The following IMMP2L variants were observed in gnomAD, a reference collection of about 807,000 sequenced individuals.
The protein encoded by IMMP2L is mitochondrial inner membrane protease subunit 2.
Under a neutral mutation model 19.3 loss-of-function variants are expected in IMMP2L, and 18 were observed. The ratio of observed to expected loss-of-function variants is 0.93; its 90% CI spans 0.64 to 1.38. IMMP2L has a LOEUF of 1.38. Ranked by LOEUF, IMMP2L falls within the 40% of genes most tolerant of loss-of-function variation. The pLI, the probability that IMMP2L is intolerant of heterozygous loss-of-function variation, is 0.00. For missense variants in IMMP2L, 233 were observed against 218.2 expected, an observed-to-expected ratio of 1.07 and a Z score of -0.43; for synonymous variants, 76 against 73.0, an observed-to-expected ratio of 1.04 and a Z score of -0.21.
At chr7:110,664,905 T>C (rs1207422348) in intron 5 of IMMP2L, 4 of 152,218 alleles carry the variant, frequency 2.6e-5, no homozygotes, top group Non-Finnish European at 5.9e-5. Flanking sequence ...GAAGCTCTTC[T>C]ATTTGCTATC....
chr7:111,321,938 T>C (rs1824761066), intron 3 of IMMP2L, among the ~76,000 whole-genome samples: 1 of 151,988 alleles, frequency 6.6e-6, no homozygotes, highest in Non-Finnish European at 1.5e-5. Flanking sequence ...CCTTGAGTTA[T>C]GATACAAATC....
intron 2 of IMMP2L, among the ~76,000 whole-genome samples, chr7:111,514,283 G>GTATA (rs773547616): frequency 5.9e-5 from 9 of 152,062 alleles, no homozygotes; most frequent in Non-Finnish European, 1.3e-4. Context: ...AAAATATCAT[G>GTATA]TATACTGTTC....
At chr7:111,088,594 G>C (rs184850294) in intron 3 of IMMP2L, among the ~76,000 whole-genome samples, 2 of 152,260 alleles carry the variant, frequency 1.3e-5, no homozygotes, top group Non-Finnish European at 2.9e-5. Context: ...GAATACCTGA[G>C]GGGCTCTATC....
At chr7:111,427,616 T>C (rs1836212866) in intron 3 of IMMP2L, among the ~76,000 whole-genome samples, 1 of 151,790 alleles carries the variant, frequency 6.6e-6, no homozygotes. Context: ...CAATAAACCT[T>C]AAACAGAAGA....
At chr7:111,358,682 GT>G (rs1828965344) in intron 3 of IMMP2L, among the ~76,000 whole-genome samples, 1 of 152,060 alleles carries the variant, frequency 6.6e-6, no homozygotes, top group African/African-American at 2.4e-5. Context: ...AATTTCTATA[GT>G]TTTTGCACTA....
chr7:110,934,032 C>T (rs1443139362), intron 4 of IMMP2L, among the ~76,000 whole-genome samples: 5 of 152,054 alleles, frequency 3.3e-5, no homozygotes, highest in South Asian at 2.1e-4. Context: ...GATTCTGGTA[C>T]GTTGTTTCTT....
chr7:110,733,749 T>C (rs975076011), intron 5 of IMMP2L, among the ~76,000 whole-genome samples: 1 of 152,062 alleles, frequency 6.6e-6, no homozygotes, highest in Non-Finnish European at 1.5e-5. Flanking sequence ...GGGATTAGTG[T>C]ACTTAGAAAT....
At chr7:111,514,167 G>C (rs1429621987) in intron 2 of IMMP2L, among the ~76,000 whole-genome samples, 1 of 152,098 alleles carries the variant, frequency 6.6e-6, no homozygotes, top group Admixed American at 6.6e-5. Flanking sequence ...ATTTTACTAA[G>C]AGAGTAGATC....
intron 5 of IMMP2L, among the ~76,000 whole-genome samples, chr7:110,769,853 A>T (rs531319040): frequency 1.3e-5 from 2 of 152,246 alleles, no homozygotes; most frequent in South Asian, 4.1e-4. Context: ...CTTCTACTGT[A>T]TCTCCTGCTG....
At chr7:111,140,747 A>G (rs1431771071) in intron 3 of IMMP2L, among the ~76,000 whole-genome samples, 4 of 152,234 alleles carry the variant, frequency 2.6e-5, no homozygotes, top group African/African-American at 7.2e-5. Flanking sequence ...CTCTTCATTC[A>G]TGCAAATGTA....
intron 5 of IMMP2L, among the ~76,000 whole-genome samples, chr7:110,793,420 AAAACAAACAAAC>A (rs146489810): frequency 2.0e-5 from 3 of 150,088 alleles, no homozygotes; most frequent in Non-Finnish European, 3.0e-5. Flanking sequence ...ACTCTGTCTC[AAAACAAACAAAC>A]AAACAAACAA....
chr7:110,992,716 T>A (rs1404102882), intron 3 of IMMP2L, among the ~76,000 whole-genome samples: 2 of 152,042 alleles, frequency 1.3e-5, no homozygotes, highest in Non-Finnish European at 2.9e-5. Flanking sequence ...TTTGTTGATA[T>A]GGAAAGTTCA....
At chr7:110,879,890 A>T (rs2129544799) in intron 5 of IMMP2L, among the ~76,000 whole-genome samples, 1 of 152,276 alleles carries the variant, frequency 6.6e-6, no homozygotes, top group East Asian at 1.9e-4. Flanking sequence ...TTTATTGAAT[A>T]TACTAGGTAC....
chr7:111,379,332 G>A (rs1011847011), intron 3 of IMMP2L, among the ~76,000 whole-genome samples: 1 of 151,366 alleles, frequency 6.6e-6, no homozygotes, highest in Non-Finnish European at 1.5e-5. Flanking sequence ...TCCAGTCAAG[G>A]AACGTACCCA....
chr7:110,787,451 A>G (rs1231159895), intron 5 of IMMP2L, among the ~76,000 whole-genome samples: 1 of 151,932 alleles, frequency 6.6e-6, no homozygotes, highest in Non-Finnish European at 1.5e-5. Flanking sequence ...TTATCTCAGG[A>G]GTCTGTCAAA....
chr7:110,847,507 G>A (rs764230973), intron 5 of IMMP2L, among the ~76,000 whole-genome samples: 24 of 152,116 alleles, frequency 1.6e-4, no homozygotes, highest in Admixed American at 4.6e-4. Flanking sequence ...CCTAACTTGA[G>A]CTGTAGGTTC....
At chr7:111,489,036 C>CTTTTTTTT (rs35930780) in intron 2 of IMMP2L, among the ~76,000 whole-genome samples, 21 of 87,174 alleles carry the variant, frequency 2.4e-4, no homozygotes, top group Admixed American at 5.8e-4. Flanking sequence ...CCTCAATCCA[C>CTTTTTTTT]TTTTTTTTTT....
At chr7:110,903,329 G>A (rs1812104904) in intron 4 of IMMP2L, among the ~76,000 whole-genome samples, 1 of 152,160 alleles carries the variant, frequency 6.6e-6, no homozygotes, top group African/African-American at 2.4e-5. Context: ...TAGGTACAAT[G>A]TTATATGTCA....
intron 3 of IMMP2L, among the ~76,000 whole-genome samples, chr7:111,086,780 G>A (rs1796380642): frequency 6.6e-6 from 1 of 152,120 alleles, no homozygotes; most frequent in Admixed American, 6.5e-5. Flanking sequence ...TTTCCACTAG[G>A]CACTGCATTT....
Sources: allele counts gnomAD v4.1 joint callset (sites outside exome capture counted in the v4.1 genomes callset), GRCh38; gene constraint gnomAD v4.1.1; transcripts MANE v1.5; gene names NCBI Gene and HGNC (gene_info 2026-07-23, HGNC 2026-07-21).